Variants in SHISA9 observed in about 807,000 individuals in gnomAD.
SHISA9 encodes the protein protein shisa-9.
Under a neutral mutation model 38.0 loss-of-function variants are expected in SHISA9, and 13 were observed. That is an observed-to-expected ratio of 0.34 (90% CI 0.22 to 0.54). The LOEUF (loss-of-function observed/expected upper bound fraction) is 0.54, where lower values mean the gene tolerates loss of function less well. SHISA9 is among the 20% of genes least tolerant of loss of function. The probability of loss-of-function intolerance (pLI) is 0.91; values close to 1 mark genes in which losing one functional copy is unlikely to be tolerated. For missense variants in SHISA9, 538 were observed against 575.8 expected, an observed-to-expected ratio of 0.93 and a Z score of 0.67; for synonymous variants, 275 against 242.0, an observed-to-expected ratio of 1.14 and a Z score of -1.27.
At chr16:13,179,529 A>T (rs189952846) in intron 2 of SHISA9, among the ~76,000 whole-genome samples, 3 of 152,348 alleles carry the variant, frequency 2.0e-5, no homozygotes, top group Admixed American at 6.5e-5. Context: ...AGAAGGAAGA[A>T]CTAGGACTCA....
chr16:13,513,700 G>A, the SHISA9 span, among the ~76,000 whole-genome samples: 1 of 152,122 alleles, frequency 6.6e-6, no homozygotes, highest in Non-Finnish European at 1.5e-5. Context: ...CATGGATTAA[G>A]GTAGAAGCCA....
chr16:13,327,665 C>CT, the SHISA9 span, among the ~76,000 whole-genome samples: 61 of 151,150 alleles, frequency 4.0e-4, no homozygotes, highest in African/African-American at 1.3e-3. Flanking sequence ...CAAGATTGCA[C>CT]TTTTTTTTTG....
intron 2 of SHISA9, among the ~76,000 whole-genome samples, chr16:13,158,175 C>G (rs1011877160): frequency 6.6e-6 from 1 of 152,156 alleles, no homozygotes; most frequent in Non-Finnish European, 1.5e-5. Context: ...AGTATGTCCT[C>G]TCAGAGCAGT....
At chr16:13,430,359 G>A in the SHISA9 span, among the ~76,000 whole-genome samples, 1 of 152,116 alleles carries the variant, frequency 6.6e-6, no homozygotes, top group African/African-American at 2.4e-5. Context: ...TGATTCTTAT[G>A]TATTTAGGGA....
intron 2 of SHISA9, among the ~76,000 whole-genome samples, chr16:13,052,737 C>T (rs777493165): frequency 1.3e-5 from 2 of 152,026 alleles, no homozygotes; most frequent in South Asian, 2.1e-4. Flanking sequence ...GTAGCCAAAC[C>T]TCAAACATAC....
chr16:13,557,489 C>G, the SHISA9 span, among the ~76,000 whole-genome samples: 2 of 152,234 alleles, frequency 1.3e-5, no homozygotes, highest in African/African-American at 2.4e-5. Flanking sequence ...CGTGGCAAAG[C>G]TGCCTCATAG....
the SHISA9 span, among the ~76,000 whole-genome samples, chr16:13,326,200 C>T: frequency 1.3e-5 from 2 of 152,184 alleles, no homozygotes; most frequent in South Asian, 4.2e-4. Context: ...GGCCCACCCA[C>T]CGTAGGGAAG....
intron 2 of SHISA9, among the ~76,000 whole-genome samples, chr16:13,099,705 A>G (rs7188696): frequency 1.9e-4 from 29 of 152,222 alleles, no homozygotes; most frequent in African/African-American, 6.8e-4. Context: ...GGGCAGAAGC[A>G]GGAGATAAGA....
the SHISA9 span, among the ~76,000 whole-genome samples, chr16:13,276,410 C>A: frequency 2.6e-5 from 4 of 151,988 alleles, no homozygotes; most frequent in African/African-American, 9.7e-5. Context: ...ATAATGACTT[C>A]TTTTCCTCTG....
At chr16:13,015,854 C>CTTTCTTTGTTTCTTTG (rs1434550570) in intron 2 of SHISA9, among the ~76,000 whole-genome samples, 2 of 15,104 alleles carry the variant, frequency 1.3e-4, no homozygotes, top group African/African-American at 4.8e-4. Flanking sequence ...CTTTCTTTCC[C>CTTTCTTTGTTTCTTTG]TTTCTTTCTT....
At chr16:13,056,697 T>G (rs1303967446) in intron 2 of SHISA9, among the ~76,000 whole-genome samples, 1 of 152,240 alleles carries the variant, frequency 6.6e-6, no homozygotes, top group Non-Finnish European at 1.5e-5. Flanking sequence ...CCCATAAAAC[T>G]TGCCTTCCGC....
intron 2 of SHISA9, among the ~76,000 whole-genome samples, chr16:13,072,674 T>G (rs549555629): frequency 1.3e-5 from 2 of 152,220 alleles, no homozygotes; most frequent in East Asian, 3.9e-4. Context: ...TCTTTTTTTT[T>G]TTTTGAGACG....
intron 2 of SHISA9, among the ~76,000 whole-genome samples, chr16:12,951,090 A>C (rs1357663487): frequency 2.0e-5 from 3 of 150,772 alleles, no homozygotes; most frequent in African/African-American, 7.3e-5. Context: ...GCGTGGTGGC[A>C]GGCACCTGTA....
At chr16:13,503,687 C>CA in the SHISA9 span, among the ~76,000 whole-genome samples, 42,465 of 148,136 alleles carry the variant, frequency 0.29, 6,475 homozygotes, top group East Asian at 0.37. Flanking sequence ...AAGGAGTGAC[C>CA]AAAAAAAAAA....
At chr16:13,490,289 A>C in the SHISA9 span, among the ~76,000 whole-genome samples, 269 of 152,296 alleles carry the variant, frequency 1.8e-3, no homozygotes, top group African/African-American at 6.2e-3. Context: ...AGGGCCGGGC[A>C]CAGTGACGCA....
the SHISA9 span, among the ~76,000 whole-genome samples, chr16:13,352,829 G>C: frequency 6.6e-6 from 1 of 151,770 alleles, no homozygotes; most frequent in Non-Finnish European, 1.5e-5. Flanking sequence ...TTTTGAGCCA[G>C]GATGAGCCAG....
intron 2 of SHISA9, among the ~76,000 whole-genome samples, chr16:13,196,361 C>A (rs536138776): frequency 2.9e-4 from 42 of 145,436 alleles, no homozygotes; most frequent in Non-Finnish European, 4.9e-4. Context: ...TGCACCACTG[C>A]ACTCCAGCCT....
the SHISA9 span, among the ~76,000 whole-genome samples, chr16:13,423,524 C>A: frequency 6.6e-6 from 1 of 152,092 alleles, no homozygotes; most frequent in Non-Finnish European, 1.5e-5. Context: ...CTTTGGCTTT[C>A]GGGGACTAAT....
intron 2 of SHISA9, among the ~76,000 whole-genome samples, chr16:13,044,451 A>T (rs531019713): frequency 6.6e-6 from 1 of 152,334 alleles, no homozygotes; most frequent in East Asian, 1.9e-4. Flanking sequence ...CAAATGTTTT[A>T]TTGAGTGCCT....
Sources: allele counts gnomAD v4.1 joint callset (sites outside exome capture counted in the v4.1 genomes callset), GRCh38; gene constraint gnomAD v4.1.1; transcripts MANE v1.5; gene names NCBI Gene and HGNC (gene_info 2026-07-23, HGNC 2026-07-21).